Variants in SORCS3 observed in about 807,000 individuals in gnomAD.
SORCS3 encodes VPS10 domain-containing receptor SorCS3.
In SORCS3, 57 loss-of-function variants were observed where a neutral mutation model predicts 146.3. The observed-to-expected ratio is 0.39, with a 90% CI of 0.31 to 0.49. The LOEUF is 0.49. Among genes scored for constraint, SORCS3 ranks in the 20% least tolerant of loss-of-function variants. The pLI, the probability that SORCS3 is intolerant of heterozygous loss-of-function variation, is 0.92. For missense variants in SORCS3, 1,341 were observed against 1,575.5 expected, an observed-to-expected ratio of 0.85 and a Z score of 2.52; for synonymous variants, 653 against 618.5, an observed-to-expected ratio of 1.06 and a Z score of -0.83.
At chr10:105,143,968 A>G (rs966527661) in intron 8 of SORCS3, among the ~76,000 whole-genome samples, 3 of 152,078 alleles carry the variant, frequency 2.0e-5, no homozygotes, top group Non-Finnish European at 2.9e-5. Context: ...GCCCCTCTTA[A>G]GTCTTCTCTT....
chr10:104,686,451 A>G (rs561748289), intron 1 of SORCS3, among the ~76,000 whole-genome samples: 1 of 152,230 alleles, frequency 6.6e-6, no homozygotes, highest in Admixed American at 6.5e-5. Flanking sequence ...TCCTGGATAA[A>G]TAAAGTAACA....
chr10:104,809,539 C>T (rs1045104741), intron 1 of SORCS3, among the ~76,000 whole-genome samples: 9 of 152,182 alleles, frequency 5.9e-5, no homozygotes, highest in African/African-American at 1.7e-4. Flanking sequence ...ACAAGTAAAA[C>T]GCCAACCTAT....
At chr10:105,174,601 G>A (rs989422883) in intron 13 of SORCS3, among the ~76,000 whole-genome samples, 3 of 152,108 alleles carry the variant, frequency 2.0e-5, no homozygotes, top group East Asian at 1.9e-4. Context: ...GTTAGAAATC[G>A]CTGGTCTCAG....
chr10:104,826,210 C>CA (rs2017933412), intron 1 of SORCS3, among the ~76,000 whole-genome samples: 1 of 152,158 alleles, frequency 6.6e-6, no homozygotes, highest in African/African-American at 2.4e-5. Context: ...CATCAAGCAT[C>CA]AAGTACAGTG....
At chr10:105,215,967 C>G (rs913503668) in intron 18 of SORCS3, among the ~76,000 whole-genome samples, 1 of 113,356 alleles carries the variant, frequency 8.8e-6, no homozygotes, top group Admixed American at 1.4e-4. Flanking sequence ...AAGTGTTGGC[C>G]CAATATAATG....
At chr10:104,674,756 A>G (rs1404870986) in intron 1 of SORCS3, among the ~76,000 whole-genome samples, 1 of 152,168 alleles carries the variant, frequency 6.6e-6, no homozygotes, top group African/African-American at 2.4e-5. Flanking sequence ...TAATCCTTGT[A>G]TTCTCTTTTT....
intron 1 of SORCS3, among the ~76,000 whole-genome samples, chr10:104,802,620 A>T (rs904345959): frequency 6.6e-6 from 1 of 152,238 alleles, no homozygotes; most frequent in African/African-American, 2.4e-5. Flanking sequence ...GTGGTTCAAG[A>T]GTCCAGTTAA....
chr10:105,130,099 A>C (rs1475314980), intron 7 of SORCS3, among the ~76,000 whole-genome samples: 2 of 152,182 alleles, frequency 1.3e-5, no homozygotes, highest in African/African-American at 4.8e-5. Context: ...GCAAGGCTAA[A>C]GCTCTTTCTA....
At chr10:104,787,421 G>A (rs868456404) in intron 1 of SORCS3, among the ~76,000 whole-genome samples, 6 of 152,318 alleles carry the variant, frequency 3.9e-5, no homozygotes, top group Middle Eastern at 3.4e-3. Context: ...GGTCTGCATT[G>A]TTGAGCTCCA....
intron 16 of SORCS3, among the ~76,000 whole-genome samples, chr10:105,209,049 G>A (rs577285066): frequency 1.3e-5 from 2 of 152,286 alleles, no homozygotes; most frequent in East Asian, 3.9e-4. Context: ...GGCACTTGGG[G>A]CTACTCTCTG....
At chr10:105,200,804 T>C (rs2056570033) in intron 15 of SORCS3, among the ~76,000 whole-genome samples, 1 of 152,172 alleles carries the variant, frequency 6.6e-6, no homozygotes, top group Admixed American at 6.5e-5. Context: ...TTTGGGCAAA[T>C]GTACCTGGTG....
chr10:104,827,311 A>G (rs2017947999), intron 1 of SORCS3, among the ~76,000 whole-genome samples: 1 of 151,064 alleles, frequency 6.6e-6, no homozygotes, highest in Non-Finnish European at 1.5e-5. Context: ...TTTTTAAAAA[A>G]ATAAGTCTTG....
At position 104,695,831 on chromosome 10, in the gene SORCS3, T is replaced by C. The variant is rs1301672760; in HGVS notation, c.627+53877T>C. On this transcript the variant is annotated intron_variant, in intron 1 of 26. Transcript: ENST00000369701. ...ATAATACTCCATTAAATAGCTGCAC[T>C]AAAATTTATTTAAAATGACCACCAT... Among the ~76,000 whole-genome samples, 38 of 151,128 alleles carry C rather than the reference T, an allele frequency of 2.5e-4. No homozygotes were observed. In the Admixed American group the frequency reaches 2.5e-3, roughly 10 times the overall value.
At chr10:105,135,445 G>A (rs993627401) in intron 7 of SORCS3, among the ~76,000 whole-genome samples, 4 of 152,286 alleles carry the variant, frequency 2.6e-5, no homozygotes, top group Middle Eastern at 3.4e-3. Context: ...CTGGTGAGTA[G>A]CATCTGGCTG....
chr10:104,878,307 A>C (rs1224367096), intron 2 of SORCS3, among the ~76,000 whole-genome samples: 1 of 152,204 alleles, frequency 6.6e-6, no homozygotes, highest in African/African-American at 2.4e-5. Context: ...TAAATTAATA[A>C]AACAACATAA....
intron 1 of SORCS3, among the ~76,000 whole-genome samples, chr10:104,722,849 TC>T (rs1347121162): frequency 6.6e-6 from 1 of 152,178 alleles, no homozygotes; most frequent in African/African-American, 2.4e-5. Context: ...TTTTATTGCG[TC>T]TATTTGATTC....
intron 7 of SORCS3, among the ~76,000 whole-genome samples, chr10:105,134,249 G>T (rs965378162): frequency 1.3e-5 from 2 of 152,156 alleles, no homozygotes; most frequent in African/African-American, 4.8e-5. Context: ...TTGTTATGAG[G>T]ATTAAATTAG....
intron 1 of SORCS3, among the ~76,000 whole-genome samples, chr10:104,817,140 AG>A (rs1458536920): frequency 6.6e-6 from 1 of 152,130 alleles, no homozygotes; most frequent in Non-Finnish European, 1.5e-5. Flanking sequence ...GTCATCTTGA[AG>A]GGGCCCACAC....
At chr10:104,969,783 G>A (rs980711924) in intron 3 of SORCS3, among the ~76,000 whole-genome samples, 2 of 152,168 alleles carry the variant, frequency 1.3e-5, no homozygotes, top group African/African-American at 4.8e-5. Context: ...GTTAGTGTAT[G>A]TGTGCTCACA....
Sources: gnomAD v4.1 joint callset for allele counts (sites outside exome capture counted in the v4.1 genomes callset) on GRCh38, gnomAD v4.1.1 for gene constraint, MANE v1.5 for transcripts, NCBI Gene and HGNC (gene_info 2026-07-23, HGNC 2026-07-21) for gene names.